Variants in CCDC102A observed in about 807,000 individuals in gnomAD.
CCDC102A encodes the protein coiled-coil domain-containing protein 102A.
Under a neutral mutation model 55.5 loss-of-function variants are expected in CCDC102A, and 40 were observed. The ratio of observed to expected loss-of-function variants is 0.72; its 90% CI spans 0.56 to 0.94. The LOEUF is 0.94. Ranked by LOEUF, CCDC102A falls within the 40% of genes least tolerant of loss-of-function variation. The pLI, the probability that CCDC102A is intolerant of heterozygous loss-of-function variation, is 0.00. For missense variants in CCDC102A, 779 were observed against 768.6 expected (o/e 1.01, Z -0.16); for synonymous variants, 323 against 339.0 (o/e 0.95, Z 0.52).
intron 1 of CCDC102A, among the ~76,000 whole-genome samples, chr16:57,530,547 C>T (rs756783796): frequency 1.1e-4 from 17 of 152,300 alleles, no homozygotes; most frequent in Non-Finnish European, 2.1e-4. Context: ...CCCCTCTCCA[C>T]CTTCTTCCAA....
At chr16:57,522,864 G>A (rs1311939257) in intron 3 of CCDC102A, among the ~76,000 whole-genome samples, 6 of 152,128 alleles carry the variant, frequency 3.9e-5, no homozygotes, top group African/African-American at 1.2e-4. Context: ...ATCACAACAC[G>A]TGTATTTTAA....
chr16:57,536,127 A>G lies in CCDC102A; in HGVS notation c.-148+373T>C, dbSNP rs538315291. Among the ~76,000 whole-genome samples, 148 of 149,128 alleles carry G rather than the reference A, an allele frequency of 9.9e-4. 1 individual carries two copies. The highest frequency in any genetic ancestry group is 3.5e-3 in the African/African-American group (141 of 40,832). ...GCAGGGCGCCGTGCTCTGATTGGCC[A>G]GCGCCGCCCGTCCATCCCGCATTCG... is the stretch of plus-strand genomic sequence containing the variant. On this transcript the variant is annotated intron_variant, in intron 1 of 8. Transcript: ENST00000258214.
At chr16:57,534,226 C>T (rs1416505919) in intron 1 of CCDC102A, among the ~76,000 whole-genome samples, 1 of 152,186 alleles carries the variant, frequency 6.6e-6, no homozygotes, top group African/African-American at 2.4e-5. Flanking sequence ...TGCCATCTCT[C>T]TTCTGGCAGT....
At chr16:57,526,204 C>T in intron 2 of CCDC102A, 77 bp from the exon 3 acceptor site, 1 of 1,088,840 alleles carries the variant, frequency 9.2e-7, no homozygotes, top group Non-Finnish European at 1.3e-6. Flanking sequence ...TGATGGGTAA[C>T]CTTGGGCAAG....
At chr16:57,534,847 C>G (rs2032341532) in intron 1 of CCDC102A, among the ~76,000 whole-genome samples, 2 of 152,318 alleles carry the variant, frequency 1.3e-5, no homozygotes, top group South Asian at 2.1e-4. Context: ...AGTCGGCTGT[C>G]CCACCTTTTA....
In CCDC102A at chr16:57,529,280, C is replaced by T. The variant is rs1453358519; in HGVS notation, c.-103G>A. On this transcript the variant is annotated 5_prime_UTR_variant, in exon 2 of 9. Transcript: ENST00000258214. The surrounding 1 kb of genome is among the most constrained non-coding windows in gnomAD (Gnocchi z 4.1). ...TACAACTGTGCATGATGACGCCGTG[C>T]CCCGCTTCCCTCTGGGCCACCGGGC... 2 of 1,117,544 alleles carry T rather than the reference C, an allele frequency of 1.8e-6. No individual in the cohort carries two copies. Among genetic ancestry groups the T allele is most frequent in the Non-Finnish European group, 2.2e-6 (2 of 913,492 alleles). 69.2% of individuals were successfully genotyped at this position (1,117,544 alleles called of 1,614,324 possible). A position where few individuals can be genotyped will look rare whatever the true frequency, so the allele number is the denominator to read the frequency against.
At chr16:57,524,838 C>T (rs1243377744) in intron 3 of CCDC102A, among the ~76,000 whole-genome samples, 1 of 152,234 alleles carries the variant, frequency 6.6e-6, no homozygotes, top group African/African-American at 2.4e-5. Context: ...ATCAAGGTCA[C>T]TGGTGACCTC....
Position 57,529,445 on chromosome 16 carries a change from G to GA in CCDC102A, c.-147-122dup. 1 of 209,682 alleles carries GA rather than the reference G, an allele frequency of 4.8e-6. No individual in the cohort carries two copies. 13.0% of individuals were successfully genotyped at this position (209,682 alleles called of 1,614,324 possible). ...GTAGGAGGAGAGAGTTCTGTTCCAGGAGAGTCCCAATGAGGCAGGATTGGT... is the reference window on the plus strand; with the variant it reads ...GTAGGAGGAGAGAGTTCTGTTCCAGGAAGAGTCCCAATGAGGCAGGATTGGT... On this transcript the variant is annotated intron_variant, in intron 1 of 8. Coordinates refer to ENST00000258214, the MANE Select transcript of CCDC102A (RefSeq NM_033212.4). This position sits in a 1 kb window ranked among gnomAD's most constrained non-coding sequence, Gnocchi z 4.1.
At position 57,516,518 on chromosome 16, in the gene CCDC102A, CGCCATGCCAGGGA is replaced by C. The variant is rs1194128151; in HGVS notation, c.1249-68_1249-56del. ...AGGAGGGAATCAGTATCAGCTTGGG[CGCCATGCCAGGGA>C]GTCCCACGAGGTCAGGCAGTTCTAG... On this transcript the variant is annotated intron_variant, in intron 6 of 8. Coordinates refer to ENST00000258214, the MANE Select transcript of CCDC102A (RefSeq NM_033212.4). The surrounding 1 kb of genome is among the most constrained non-coding windows in gnomAD (Gnocchi z 4.4). The C allele has an allele frequency of 4.6e-6, 7 of 1,528,884 alleles. No individual in the cohort carries two copies. The highest frequency in any genetic ancestry group is 6.2e-6 in the Non-Finnish European group (7 of 1,120,786). The allele number at this position is 1,528,884 out of a possible 1,614,324, so 94.7% of individuals were successfully genotyped here.
At position 57,516,621 on chromosome 16, in the gene CCDC102A, G is replaced by T; in HGVS notation, c.1249-158C>A. The T allele has an allele frequency of 1.5e-6, 1 of 667,292 alleles. No individual in the cohort carries two copies. The highest frequency in any genetic ancestry group is 2.6e-6 in the Non-Finnish European group (1 of 389,060). 41.3% of individuals were successfully genotyped at this position (667,292 alleles called of 1,614,324 possible). On this transcript the variant is annotated intron_variant, in intron 6 of 8. Transcript: ENST00000258214. This position sits in a 1 kb window ranked among gnomAD's most constrained non-coding sequence, Gnocchi z 4.4. The stretch of plus-strand genomic sequence containing the variant: ...GTTGTCTGAAGTATCAGCAGTAGAG[G>T]TTTGGCTGAGCAGCCAGAGGCTGGA...
Position 57,524,582 on chromosome 16 carries a change from A to ATAT in CCDC102A, c.812+1318_812+1319insATA, listed in dbSNP as rs1555519638. 4.0e-5 allele frequency among the ~76,000 whole-genome samples: 4 copies of ATAT among 100,064 alleles called. No individual in the cohort carries two copies. The East Asian group carries it at 1.2e-3, about 29-fold the overall frequency. 65.6% of individuals were successfully genotyped at this position (100,064 alleles called of 152,430 possible). ...ACAGAGTGAGGCTCTGTCTAAAAAA[A>ATAT]ATATATATATATATAGAGAGAGAGA... On this transcript the variant is annotated intron_variant, in intron 3 of 8. Transcript: ENST00000258214.
At chr16:57,515,244 G>T in intron 8 of CCDC102A, 97 bp downstream of exon 8, 1 of 777,590 alleles carries the variant, frequency 1.3e-6, no homozygotes, top group Non-Finnish European at 2.2e-6. Context: ...CTCTTCCTTC[G>T]TCTCCCCCTC....
At chr16:57,532,047 G>A (rs1407668982) in intron 1 of CCDC102A, among the ~76,000 whole-genome samples, 1 of 152,152 alleles carries the variant, frequency 6.6e-6, no homozygotes, top group African/African-American at 2.4e-5. Context: ...GCCCAGCTCT[G>A]ACACCAACCT....
At position 57,516,481 on chromosome 16, in the gene CCDC102A, G is replaced by T; in HGVS notation, c.1249-18C>A. On this transcript the variant is annotated intron_variant, in intron 6 of 8. Coordinates refer to ENST00000258214, the MANE Select transcript of CCDC102A (RefSeq NM_033212.4). The surrounding 1 kb of genome is among the most constrained non-coding windows in gnomAD (Gnocchi z 4.4). ...GCCAGCTCCTACAGGGCACAGGGATGGGGTGGGAGGGAGGAGGGAATCAGT... is the reference window on the plus strand; with the variant it reads ...GCCAGCTCCTACAGGGCACAGGGATTGGGTGGGAGGGAGGAGGGAATCAGT... The T allele has an allele frequency of 6.3e-7, 1 of 1,598,814 alleles. No individual in the cohort carries two copies.
chr16:57,528,657 G>C lies in CCDC102A; in HGVS notation c.521C>G (p.Pro174Arg). Residue 174 changes from proline to arginine, a missense_variant, in exon 2 of 9, where the codon CCC becomes CGC. Coordinates refer to ENST00000258214, the MANE Select transcript of CCDC102A (RefSeq NM_033212.4). ...RGVADQTRDGPEPEAEREPVR... is the reference protein window; with the variant it reads ...RGVADQTRDGREPEAEREPVR... ...TGGCTCGCGCTCCGCTTCCGGCTCGGGGCCGTCGCGCGTCTGGTCGGCGAC... is the reference window on the plus strand; with the variant it reads ...TGGCTCGCGCTCCGCTTCCGGCTCGCGGCCGTCGCGCGTCTGGTCGGCGAC... The C allele has an allele frequency of 8.6e-7, 1 of 1,167,030 alleles. No individual in the cohort carries two copies. The highest frequency in any genetic ancestry group is 1.1e-6 in the Non-Finnish European group (1 of 941,734). The allele number at this position is 1,167,030 out of a possible 1,614,324, so 72.3% of individuals were successfully genotyped here. A position where few individuals can be genotyped will look rare whatever the true frequency, so the allele number is the denominator to read the frequency against.
In CCDC102A at chr16:57,518,104, C is replaced by T. The variant is rs768756848; in HGVS notation, c.1212G>A (p.Leu404=). 1.0e-5 allele frequency: 16 copies of T among 1,606,032 alleles called. No individual in the cohort carries two copies. Among genetic ancestry groups the T allele is most frequent in the Admixed American group, 6.7e-5 (4 of 59,884 alleles). ...RQTASALDCD[L]RASQAALFEK... Reference sequence around the variant, plus strand: ...CGAAGAGCGCGGCCTGGCTGGCCCTCAGGTCGCAGTCCAGTGCGCTGGCTG... The same window carrying T: ...CGAAGAGCGCGGCCTGGCTGGCCCTTAGGTCGCAGTCCAGTGCGCTGGCTG... The change falls in exon 6 of 9, where the codon CTG becomes CTA. Residue 404 remains leucine, a synonymous_variant. Coordinates refer to ENST00000258214, the MANE Select transcript of CCDC102A (RefSeq NM_033212.4).
At position 57,523,946 on chromosome 16, in the gene CCDC102A, G is replaced by C. The variant is rs181121344; in HGVS notation, c.812+1955C>G. ...GGGCAGCGTGCTGGAAGGTGATGCT[G>C]AGCTCAGCCATTGGTGAGCACCTAC... On this transcript the variant is annotated intron_variant, in intron 3 of 8. Coordinates refer to ENST00000258214, the MANE Select transcript of CCDC102A (RefSeq NM_033212.4). 5.3e-5 allele frequency among the ~76,000 whole-genome samples: 8 copies of C among 152,228 alleles called. No homozygotes were observed. In the East Asian group the frequency reaches 1.4e-3, roughly 26 times the overall value.
At chr16:57,521,254 G>A in intron 3 of CCDC102A, 78 bp from the exon 4 acceptor site, 1 of 1,095,922 alleles carries the variant, frequency 9.1e-7, no homozygotes, top group Non-Finnish European at 1.4e-6. Context: ...GCCCTGCTGT[G>A]TGCCCTCTGC....
At chr16:57,530,426 T>C (rs1199002611) in intron 1 of CCDC102A, among the ~76,000 whole-genome samples, 1 of 152,100 alleles carries the variant, frequency 6.6e-6, no homozygotes, top group Non-Finnish European at 1.5e-5. Context: ...AGAGCCCTGG[T>C]CCACAGATCT....
Sources: allele counts gnomAD v4.1 joint callset (sites outside exome capture counted in the v4.1 genomes callset), GRCh38; gene constraint gnomAD v4.1.1; non-coding constraint Gnocchi (gnomAD v3.1); transcripts MANE v1.5; gene names NCBI Gene and HGNC (gene_info 2026-07-23, HGNC 2026-07-21).